HTR1F: variants seen among roughly 807,000 people sequenced by gnomAD.
The protein encoded by HTR1F is 5-hydroxytryptamine receptor 1F.
A neutral mutation model predicts 24.0 loss-of-function variants in HTR1F; 17 were observed. The ratio of observed to expected loss-of-function variants is 0.71; its 90% confidence interval spans 0.48 to 1.06. HTR1F has a LOEUF of 1.06. HTR1F is among the 50% of genes least tolerant of loss of function. The pLI, the probability that HTR1F is intolerant of heterozygous loss-of-function variation, is 0.00. For missense variants in HTR1F, 391 were observed against 427.8 expected, an observed-to-expected ratio of 0.91 and a Z score of 0.76; for synonymous variants, 186 against 156.8, an observed-to-expected ratio of 1.19 and a Z score of -1.39.
intron 2 of HTR1F, among the ~76,000 whole-genome samples, chr3:87,837,701 T>C (rs1429026070): frequency 6.6e-6 from 1 of 152,058 alleles, no homozygotes; most frequent in Admixed American, 6.6e-5. Context: ...ACATATATTA[T>C]ATAATGTGTG....
chr3:87,987,793 T>C (rs13063627), intron 2 of HTR1F, among the ~76,000 whole-genome samples: 5 of 139,830 alleles, frequency 3.6e-5, no homozygotes, highest in Non-Finnish European at 7.6e-5. Flanking sequence ...TTTATATATA[T>C]AAAATATATG....
At chr3:87,862,033 T>C (rs1276377633) in intron 2 of HTR1F, among the ~76,000 whole-genome samples, 1 of 152,186 alleles carries the variant, frequency 6.6e-6, no homozygotes, top group African/African-American at 2.4e-5. Flanking sequence ...CAATTATTTA[T>C]ATTTTAAACA....
intron 2 of HTR1F, among the ~76,000 whole-genome samples, chr3:87,965,553 A>T (rs1705147118): frequency 6.6e-6 from 1 of 152,210 alleles, no homozygotes; most frequent in Admixed American, 6.5e-5. Context: ...ACAGTTAAAA[A>T]GCCTTTTGAA....
chr3:87,864,213 C>T lies in HTR1F; in HGVS notation c.-43+42089C>T, dbSNP rs73845084. The stretch of plus-strand genomic sequence containing the variant: ...AATTCCATTTTTTCATGTAATTTAA[C>T]ATATTCACAGTTTCTGGGCATTAGA... On this transcript the variant is annotated intron_variant, in intron 2 of 2. Coordinates refer to ENST00000319595, the MANE Select transcript of HTR1F (RefSeq NM_001322209.2). Among the ~76,000 whole-genome samples the T allele has an allele frequency of 5.9e-3, 891 of 152,280 alleles. 4 individuals are homozygous for T. The highest frequency in any genetic ancestry group is 0.021 in the African/African-American group (853 of 41,554).
At chr3:87,840,681 A>G (rs963600307) in intron 2 of HTR1F, among the ~76,000 whole-genome samples, 1 of 150,134 alleles carries the variant, frequency 6.7e-6, no homozygotes, top group East Asian at 1.9e-4. Context: ...CAATAGCTCA[A>G]TATTGTTCAT....
At position 87,992,016 on chromosome 3, in the gene HTR1F, T is replaced by C. The variant is rs1373221899; in HGVS notation, c.*166T>C. ...AATAGCAATGTGAATATAAAAGTTA[T>C]TGATCACCACTATTCTAGGGTATTC... On this transcript the variant is annotated 3_prime_UTR_variant, in exon 3 of 3. Transcript: ENST00000319595. 1.9e-6 allele frequency: 1 copy of C among 536,708 alleles called. No individual in the cohort carries two copies. The highest frequency in any genetic ancestry group is 3.8e-5 in the Admixed American group (1 of 26,492). The allele number at this position is 536,708 out of a possible 1,614,324, so 33.2% of individuals were successfully genotyped here.
chr3:87,980,339 A>G (rs1705513438), intron 2 of HTR1F, among the ~76,000 whole-genome samples: 1 of 152,090 alleles, frequency 6.6e-6, no homozygotes, highest in East Asian at 1.9e-4. Flanking sequence ...TCATCCCAAC[A>G]TCTGTGCAGC....
At chr3:87,864,618 A>T (rs1705383745) in intron 2 of HTR1F, among the ~76,000 whole-genome samples, 1 of 152,116 alleles carries the variant, frequency 6.6e-6, no homozygotes, top group African/African-American at 2.4e-5. Context: ...TATATCAGTC[A>T]GGCATGGTGG....
At chr3:87,898,607 T>G (rs531001285) in intron 2 of HTR1F, among the ~76,000 whole-genome samples, 1 of 152,294 alleles carries the variant, frequency 6.6e-6, no homozygotes, top group African/African-American at 2.4e-5. Context: ...GATGAATTTA[T>G]TTTTTCATTT....
chr3:87,941,618 A>G (rs1704570921), intron 2 of HTR1F, among the ~76,000 whole-genome samples: 1 of 152,212 alleles, frequency 6.6e-6, no homozygotes, highest in Non-Finnish European at 1.5e-5. Context: ...GATGGAGGCT[A>G]TCCCTGACCC....
At chr3:87,978,000 A>C (rs6802012) in intron 2 of HTR1F, among the ~76,000 whole-genome samples, 12,457 of 152,184 alleles carry the variant, frequency 0.082, 1,550 homozygotes, top group African/African-American at 0.26. Context: ...GCATAGAGGC[A>C]AGAGGTATGT....
intron 2 of HTR1F, among the ~76,000 whole-genome samples, 55 bp downstream of exon 2, chr3:87,822,179 A>G (rs889904937): frequency 2.0e-5 from 3 of 152,190 alleles, no homozygotes; most frequent in African/African-American, 7.2e-5. Flanking sequence ...ATTAGTGAAA[A>G]AAAAAATGTG....
At chr3:87,827,100 C>T (rs1035802362) in intron 2 of HTR1F, among the ~76,000 whole-genome samples, 2 of 151,480 alleles carry the variant, frequency 1.3e-5, no homozygotes, top group African/African-American at 4.9e-5. Flanking sequence ...TTTGAGCCAC[C>T]ACTATCATTA....
intron 2 of HTR1F, among the ~76,000 whole-genome samples, chr3:87,936,705 A>T (rs552877314): frequency 6.6e-6 from 1 of 152,324 alleles, no homozygotes; most frequent in South Asian, 2.1e-4. Context: ...ACATTAAATC[A>T]CGGAGCATAA....
chr3:87,906,632 C>T (rs1275707270), intron 2 of HTR1F, among the ~76,000 whole-genome samples: 2 of 151,734 alleles, frequency 1.3e-5, no homozygotes, highest in Non-Finnish European at 2.9e-5. Flanking sequence ...GATTTTGGTG[C>T]ACCCATCAAC....
intron 2 of HTR1F, among the ~76,000 whole-genome samples, chr3:87,964,656 G>C (rs1705127057): frequency 6.6e-6 from 1 of 152,188 alleles, no homozygotes; most frequent in Non-Finnish European, 1.5e-5. Context: ...CAGAGGGTTA[G>C]TAAAGGGAAA....
Position 87,991,787 on chromosome 3 carries a change from T to A in HTR1F, c.1038T>A (p.Ile346=). The A allele has an allele frequency of 6.2e-7, 1 of 1,608,648 alleles. No individual in the cohort carries two copies. The change falls in exon 3 of 3, where the codon ATT becomes ATA. Residue 346 remains isoleucine, a synonymous_variant. Transcript: ENST00000319595. The part of the protein sequence containing the change: ...GYLNSLINPL[I]YTIFNEDFKK... ...TCAATTCCCTTATAAATCCACTGAT[T>A]TACACAATCTTTAATGAAGACTTCA... is the stretch of plus-strand genomic sequence containing the variant.
chr3:87,939,452 C>A (rs1704507473), intron 2 of HTR1F, among the ~76,000 whole-genome samples: 1 of 152,120 alleles, frequency 6.6e-6, no homozygotes, highest in Non-Finnish European at 1.5e-5. Flanking sequence ...AGGAATGGTA[C>A]CAGCTCCTCT....
chr3:87,886,034 C>A (rs75283258), intron 2 of HTR1F, among the ~76,000 whole-genome samples: 2 of 151,844 alleles, frequency 1.3e-5, no homozygotes, highest in Non-Finnish European at 2.9e-5. Flanking sequence ...AGAGACACGA[C>A]AAAAAAAGAC....
Sources: allele counts gnomAD v4.1 joint callset (sites outside exome capture counted in the v4.1 genomes callset), GRCh38; gene constraint gnomAD v4.1.1; transcripts MANE v1.5; gene names NCBI Gene and HGNC (gene_info 2026-07-23, HGNC 2026-07-21).